The following TRPM6 variants were observed in gnomAD, a reference collection of about 807,000 sequenced individuals.
The protein encoded by TRPM6 is transient receptor potential cation channel subfamily M member 6.
A neutral mutation model predicts 247.6 loss-of-function variants in TRPM6; 111 were observed. The observed-to-expected ratio is 0.45, with a 90% CI of 0.38 to 0.52. The LOEUF (loss-of-function observed/expected upper bound fraction) is 0.52. TRPM6 is among the 20% of genes least tolerant of loss of function. The pLI, the probability that TRPM6 is intolerant of heterozygous loss-of-function variation, is 0.00. For synonymous variants in TRPM6, 892 were observed against 853.8 expected (o/e 1.04, Z -0.78); for missense variants, 2,126 against 2,421.5 (o/e 0.88, Z 2.56).
chr9:74,787,410 G>A (rs189935486), intron 20 of TRPM6, among the ~76,000 whole-genome samples: 70 of 151,468 alleles, frequency 4.6e-4, no homozygotes, highest in African/African-American at 1.3e-3. Context: ...CTGAAACACC[G>A]TGTCAGACAA....
chr9:74,878,111 C>T (rs1028714895), intron 1 of TRPM6, among the ~76,000 whole-genome samples: 1 of 152,192 alleles, frequency 6.6e-6, no homozygotes, highest in African/African-American at 2.4e-5. Context: ...CGCACACCAC[C>T]TGCAGGCCTG....
rs148739978 is a variant in TRPM6 at position 74,879,810 on chromosome 9, T to C, written c.33+8014A>G. Among the ~76,000 whole-genome samples the C allele has an allele frequency of 7.7e-3, 1,166 of 152,290 alleles. 9 individuals are homozygous for C. The highest frequency in any genetic ancestry group is 0.011 in the Non-Finnish European group (749 of 68,026). ...TCTATATCCTTTGTAGTATCCTTTA[T>C]AATTAACCAGCAAATGTGTTTCCCT... On this transcript the variant is annotated intron_variant, in intron 1 of 38. Transcript: ENST00000360774.
At chr9:74,803,151 C>G (rs1312819830) in intron 15 of TRPM6, among the ~76,000 whole-genome samples, 2 of 152,066 alleles carry the variant, frequency 1.3e-5, no homozygotes, top group African/African-American at 2.4e-5. Flanking sequence ...TATAAAATAC[C>G]TCTTTCATAC....
intron 3 of TRPM6, among the ~76,000 whole-genome samples, chr9:74,846,317 C>T (rs1830106479): frequency 6.6e-6 from 1 of 152,034 alleles, no homozygotes; most frequent in African/African-American, 2.4e-5. Flanking sequence ...ATAATTAAAG[C>T]TCATTCTCTT....
At chr9:74,861,030 A>G (rs1830677738) in intron 1 of TRPM6, among the ~76,000 whole-genome samples, 1 of 27,346 alleles carries the variant, frequency 3.7e-5, no homozygotes, top group Non-Finnish European at 7.1e-5. Flanking sequence ...CACAAAAAAA[A>G]GAAAGAAAGA....
intron 1 of TRPM6, among the ~76,000 whole-genome samples, chr9:74,876,002 T>A (rs1412668269): frequency 6.6e-6 from 1 of 152,184 alleles, no homozygotes; most frequent in Non-Finnish European, 1.5e-5. Flanking sequence ...ATATCTACAT[T>A]CCCCAAGAAA....
At chr9:74,767,239 A>G (rs185499319) in intron 25 of TRPM6, among the ~76,000 whole-genome samples, 1 of 152,330 alleles carries the variant, frequency 6.6e-6, no homozygotes, top group East Asian at 1.9e-4. Context: ...TTAAAACCAC[A>G]GCATTTCCGA....
chr9:74,851,291 A>C (rs554207436), intron 3 of TRPM6, among the ~76,000 whole-genome samples: 1 of 152,294 alleles, frequency 6.6e-6, no homozygotes, highest in African/African-American at 2.4e-5. Flanking sequence ...GTTAAAAAAA[A>C]TGTCAATTCC....
chr9:74,812,506 GA>G, intron 11 of TRPM6, 73 bp from the exon 12 acceptor site: 4 of 1,379,552 alleles, frequency 2.9e-6, no homozygotes, highest in Non-Finnish European at 4.0e-6. Flanking sequence ...ACATGTTTTT[GA>G]ACTCAAAATT....
chr9:74,795,197 T>C (rs1037099478), intron 18 of TRPM6, among the ~76,000 whole-genome samples: 4 of 152,172 alleles, frequency 2.6e-5, no homozygotes, highest in Non-Finnish European at 5.9e-5. Flanking sequence ...AAAGGACTTA[T>C]TGCTTCTCAC....
intron 9 of TRPM6, 123 bp downstream of exon 9, chr9:74,820,181 C>A: frequency 1.8e-6 from 2 of 1,088,522 alleles, no homozygotes; most frequent in Non-Finnish European, 2.7e-6. Flanking sequence ...CCCTGACAGG[C>A]CCCTGTATGT....
chr9:74,855,652 C>T, intron 2 of TRPM6, 87 bp from the exon 3 acceptor site: 1 of 909,598 alleles, frequency 1.1e-6, no homozygotes, highest in Non-Finnish European at 1.8e-6. Context: ...CTATTATTTT[C>T]CATGATCTAG....
chr9:74,847,596 C>T (rs1258269811), intron 3 of TRPM6, among the ~76,000 whole-genome samples: 1 of 151,576 alleles, frequency 6.6e-6, no homozygotes, highest in East Asian at 1.9e-4. Context: ...ATTTGACTGG[C>T]TTTAATATAT....
At chr9:74,781,202 T>C (rs1340237960) in intron 23 of TRPM6, among the ~76,000 whole-genome samples, 1 of 151,500 alleles carries the variant, frequency 6.6e-6, no homozygotes, top group African/African-American at 2.4e-5. Context: ...GAGAAGATGA[T>C]CCAGAAAAGA....
At chr9:74,803,534 C>G (rs1198479075) in intron 15 of TRPM6, among the ~76,000 whole-genome samples, 1 of 152,180 alleles carries the variant, frequency 6.6e-6, no homozygotes, top group Admixed American at 6.5e-5. Flanking sequence ...TCCCATAGAT[C>G]ACCTGACTGA....
chr9:74,851,976 CA>C (rs1272145061), intron 3 of TRPM6, among the ~76,000 whole-genome samples: 1 of 150,398 alleles, frequency 6.6e-6, no homozygotes. Flanking sequence ...AAATAAAAAA[CA>C]AAAAAAATCA....
At position 74,763,142 on chromosome 9, in the gene TRPM6, T is replaced by C. The variant is rs777012039; in HGVS notation, c.3537-8A>G. On this transcript the variant is annotated splice_polypyrimidine_tract_variant and splice_region_variant and intron_variant, in intron 25 of 38. Transcript: ENST00000360774. ...AAGTACATCTCTGTAACCCTAGTGG[T>C]GAAGGAAGGGAGAAAACCAACAAGC... The C allele has an allele frequency of 3.7e-6, 6 of 1,606,832 alleles. No individual in the cohort carries two copies. In the Admixed American group the frequency reaches 5.0e-5, roughly 13 times the overall value.
intron 33 of TRPM6, among the ~76,000 whole-genome samples, chr9:74,742,139 A>G (rs1825886568): frequency 6.6e-6 from 1 of 152,206 alleles, no homozygotes; most frequent in Non-Finnish European, 1.5e-5. Context: ...AAGAGCAATT[A>G]GTGTACACAA....
chr9:74,732,662 T>A (rs1587449128), intron 37 of TRPM6, 23 bp downstream of exon 37: 1 of 1,555,152 alleles, frequency 6.4e-7, no homozygotes, highest in Non-Finnish European at 8.8e-7. Flanking sequence ...ATTTTCTAAA[T>A]GATAACACAT....
Sources: gnomAD v4.1 joint callset for allele counts (sites outside exome capture counted in the v4.1 genomes callset) on GRCh38, gnomAD v4.1.1 for gene constraint, MANE v1.5 for transcripts, NCBI Gene and HGNC (gene_info 2026-07-23, HGNC 2026-07-21) for gene names.